Variants in RBMS1 observed in about 807,000 individuals in gnomAD.
RBMS1 encodes the protein RNA binding motif single stranded interacting protein 1, also known as RNA-binding motif, single-stranded-interacting protein 1.
In RBMS1, 17 loss-of-function variants were observed where a neutral mutation model predicts 62.3. The ratio of observed to expected loss-of-function variants is 0.27; its 90% confidence interval spans 0.19 to 0.41. The LOEUF is 0.41. RBMS1 is among the 10% of genes least tolerant of loss of function. The pLI, the probability that RBMS1 is intolerant of heterozygous loss-of-function variation, is 1.00. For missense variants in RBMS1, 334 were observed against 504.5 expected (o/e 0.66, Z 3.24); for synonymous variants, 172 against 170.0 (o/e 1.01, Z -0.09).
At chr2:160,390,840 T>C (rs1426892052) in intron 1 of RBMS1, among the ~76,000 whole-genome samples, 2 of 151,752 alleles carry the variant, frequency 1.3e-5, no homozygotes, top group African/African-American at 4.8e-5. Flanking sequence ...ATTTAAGCTA[T>C]TAATATTTCT....
intron 1 of RBMS1, among the ~76,000 whole-genome samples, chr2:160,467,063 G>C (rs1684725490): frequency 6.6e-6 from 1 of 152,138 alleles, no homozygotes; most frequent in Admixed American, 6.5e-5. Context: ...TCCAGGGAGA[G>C]AGCATTAGGA....
chr2:160,378,089 G>T (rs986233310), intron 1 of RBMS1, among the ~76,000 whole-genome samples: 2 of 151,662 alleles, frequency 1.3e-5, no homozygotes, highest in African/African-American at 4.8e-5. Flanking sequence ...TCAACTTCTA[G>T]ATCACTTACT....
At chr2:160,324,893 TATATATATATATATACACACAC>T (rs1690816327) in intron 2 of RBMS1, among the ~76,000 whole-genome samples, 4 of 104,596 alleles carry the variant, frequency 3.8e-5, no homozygotes, top group East Asian at 2.3e-4. Context: ...TATATATATA[TATATATATATATATACACACAC>T]ACACACACAC....
At chr2:160,436,886 C>T (rs964296432) in intron 1 of RBMS1, among the ~76,000 whole-genome samples, 3 of 152,068 alleles carry the variant, frequency 2.0e-5, no homozygotes, top group Admixed American at 6.6e-5. Flanking sequence ...CCTGGAAAAG[C>T]ATAGCCTCCA....
At chr2:160,402,194 T>C (rs369640342) in intron 1 of RBMS1, 36 of 152,174 alleles carry the variant, frequency 2.4e-4, no homozygotes, top group African/African-American at 8.0e-4. Context: ...AACTCAGACT[T>C]AGGGAGGTTA....
intron 1 of RBMS1, among the ~76,000 whole-genome samples, chr2:160,480,900 G>A (rs761419121): frequency 4.6e-5 from 7 of 151,712 alleles, no homozygotes; most frequent in East Asian, 1.9e-4. Flanking sequence ...CCAACATACC[G>A]AAACCCCATC....
intron 1 of RBMS1, among the ~76,000 whole-genome samples, chr2:160,479,333 C>T (rs1685268781): frequency 6.6e-6 from 1 of 152,256 alleles, no homozygotes; most frequent in African/African-American, 2.4e-5. Context: ...AGGTTAGACA[C>T]ATGAGAGCAA....
At chr2:160,409,446 A>G (rs1013926995) in intron 1 of RBMS1, among the ~76,000 whole-genome samples, 7 of 152,220 alleles carry the variant, frequency 4.6e-5, no homozygotes, top group Non-Finnish European at 7.3e-5. Context: ...TATCTGGTGG[A>G]ACTATTTTCT....
In RBMS1 at chr2:160,284,854, G is replaced by A; in HGVS notation, c.821C>T (p.Pro274Leu). 1.2e-6 allele frequency: 2 copies of A among 1,604,770 alleles called. No homozygotes were observed. Among genetic ancestry groups the A allele is most frequent in the Non-Finnish European group, 8.5e-7 (1 of 1,172,460 alleles). The change falls in exon 9 of 14, where the codon CCA (proline) becomes CTA (leucine). Residue 274 changes from proline to leucine, a missense_variant. By Grantham distance (98) the Pro-to-Leu change is moderately conservative. Transcript: ENST00000348849. ...CATTCGGTTTGTAGCAATACTGTAT[G>A]GTGAAGGATAAAATCTAGAACAAAC... is the stretch of plus-strand genomic sequence containing the variant. ...AAIQNGFYPS[P>L]YSIATNRMIT...
At chr2:160,449,187 C>G (rs955011874) in intron 1 of RBMS1, among the ~76,000 whole-genome samples, 13 of 151,176 alleles carry the variant, frequency 8.6e-5, no homozygotes, top group African/African-American at 3.2e-4. Flanking sequence ...GCAGCCGCAC[C>G]GTCCAGGAGG....
At chr2:160,470,280 T>C (rs1329049935) in intron 1 of RBMS1, among the ~76,000 whole-genome samples, 1 of 152,218 alleles carries the variant, frequency 6.6e-6, no homozygotes, top group African/African-American at 2.4e-5. Flanking sequence ...TGAAAAAGTA[T>C]AACATTTATA....
chr2:160,351,803 A>T (rs1692528031), intron 2 of RBMS1, among the ~76,000 whole-genome samples: 1 of 152,156 alleles, frequency 6.6e-6, no homozygotes, highest in African/African-American at 2.4e-5. Context: ...TAATAAAAAT[A>T]ACGATTGCTA....
chr2:160,451,165 A>AAAAAAAAT (rs762272658), intron 1 of RBMS1, among the ~76,000 whole-genome samples: 182 of 151,348 alleles, frequency 1.2e-3, no homozygotes, highest in South Asian at 7.2e-3. Flanking sequence ...TCAGAAAAAA[A>AAAAAAAAT]AAAATAAATA....
chr2:160,462,492 G>A (rs914632905), intron 1 of RBMS1, among the ~76,000 whole-genome samples: 4 of 152,226 alleles, frequency 2.6e-5, no homozygotes, highest in South Asian at 2.1e-4. Flanking sequence ...AAACCTAGGC[G>A]GTTTTTGAGA....
At chr2:160,397,357 C>T (rs1470133675) in intron 1 of RBMS1, among the ~76,000 whole-genome samples, 1 of 152,096 alleles carries the variant, frequency 6.6e-6, no homozygotes, top group Admixed American at 6.6e-5. Context: ...CACTGGCCTT[C>T]CTGCCTTCTC....
intron 1 of RBMS1, among the ~76,000 whole-genome samples, chr2:160,422,126 G>A (rs775174566): frequency 6.6e-6 from 1 of 152,204 alleles, no homozygotes; most frequent in South Asian, 2.1e-4. Flanking sequence ...CAGAGTTTTT[G>A]TAGGAAACAA....
chr2:160,340,816 T>A (rs1573893367), intron 2 of RBMS1, among the ~76,000 whole-genome samples: 1 of 152,204 alleles, frequency 6.6e-6, no homozygotes, highest in East Asian at 1.9e-4. Flanking sequence ...TTAGTAAACA[T>A]ACAGATTTTT....
intron 1 of RBMS1, chr2:160,407,483 C>A (rs937864418): frequency 1.0e-5 from 10 of 986,072 alleles, no homozygotes; most frequent in Non-Finnish European, 1.2e-5. Context: ...ATAGGGCGTC[C>A]GGCAGTTGCT....
chr2:160,338,340 C>G (rs990706674), intron 2 of RBMS1, among the ~76,000 whole-genome samples: 1 of 152,092 alleles, frequency 6.6e-6, no homozygotes, highest in Non-Finnish European at 1.5e-5. Flanking sequence ...CTGGGAGTGT[C>G]CACCACCCAA....
Sources: gnomAD v4.1 joint callset for allele counts (sites outside exome capture counted in the v4.1 genomes callset) on GRCh38, gnomAD v4.1.1 for gene constraint, MANE v1.5 for transcripts, NCBI Gene and HGNC (gene_info 2026-07-23, HGNC 2026-07-21) for gene names.